The following GUK1 variants were observed in gnomAD, a reference collection of about 807,000 sequenced individuals.
GUK1 encodes guanylate kinase 1.
Under a neutral mutation model 25.2 loss-of-function variants are expected in GUK1, and 18 were observed. The ratio of observed to expected loss-of-function variants is 0.71; its 90% CI spans 0.49 to 1.06. The LOEUF (loss-of-function observed/expected upper bound fraction) is 1.06, where lower values mean the gene tolerates loss of function less well. Ranked by LOEUF, GUK1 falls within the 50% of genes least tolerant of loss-of-function variation. The probability of loss-of-function intolerance (pLI) is 0.00; values close to 1 mark genes in which losing one functional copy is unlikely to be tolerated. For synonymous variants in GUK1, 105 were observed against 117.6 expected (o/e 0.89, Z 0.69); for missense variants, 261 against 276.7 (o/e 0.94, Z 0.40).
rs2033971153 is a variant in GUK1, at chr1:228,140,338, C to T, written c.-193C>T. On this transcript the variant is annotated 5_prime_UTR_variant, in exon 1 of 9. Coordinates refer to ENST00000312726, the MANE Select transcript of GUK1 (RefSeq NM_000858.7). ...GCCCGCTGGCCGGGCTGGCTGCGGC[C>T]GCCCTGGGCCGGGCCCCACCGGACG... The T allele has an allele frequency of 5.2e-6, 8 of 1,525,764 alleles. No homozygotes were observed. Among genetic ancestry groups the T allele is most frequent in the Admixed American group, 2.1e-5 (1 of 48,500 alleles). 94.5% of individuals were successfully genotyped at this position (1,525,764 alleles called of 1,614,324 possible). A position where few individuals can be genotyped will look rare whatever the true frequency, so the allele number is the denominator to read the frequency against.
intron 4 of GUK1, chr1:228,146,602 C>T: frequency 1.8e-6 from 1 of 554,982 alleles, no homozygotes; most frequent in Non-Finnish European, 3.3e-6. Context: ...TCCCAACTCC[C>T]CACTGGAACC....
At chr1:228,141,076 T>A in intron 1 of GUK1, 1 of 922,338 alleles carries the variant, frequency 1.1e-6, no homozygotes, top group Non-Finnish European at 1.3e-6. Context: ...GGCCCCGGGC[T>A]GGGTCCTGCT....
chr1:228,147,726 A>T (rs779231089), intron 7 of GUK1, 27 bp downstream of exon 6: 1 of 1,603,886 alleles, frequency 6.2e-7, no homozygotes, highest in Non-Finnish European at 8.5e-7. Flanking sequence ...ATCACCAGGG[A>T]ATGCCAGGAG....
In GUK1 at chr1:228,148,729, C is replaced by T. The variant is rs373687915; in HGVS notation, c.*32C>T. On this transcript the variant is annotated 3_prime_UTR_variant, in exon 9 of 9. Transcript: ENST00000312726. The stretch of plus-strand genomic sequence containing the variant: ...CTGTCTGTTCTCGGCACCCCGGGCC[C>T]ATACAGGACCAGGGCAGCAGCATTG... 1 of 1,610,204 alleles carries T rather than the reference C, an allele frequency of 6.2e-7. No homozygotes were observed. Among genetic ancestry groups the T allele is most frequent in the East Asian group, 2.2e-5 (1 of 44,832 alleles).
chr1:228,144,202 C>T (rs2034233381), intron 2 of GUK1: 1 of 152,014 alleles, frequency 6.6e-6, no homozygotes, highest in East Asian at 1.9e-4. Flanking sequence ...GAGTTGCAGC[C>T]GTGGTGCATT....
intron 2 of GUK1, among the ~76,000 whole-genome samples, chr1:228,142,640 G>A (rs566316991): frequency 6.6e-6 from 1 of 152,112 alleles, no homozygotes; most frequent in African/African-American, 2.4e-5. Context: ...TCTGATCGTT[G>A]TCAGGGCCCT....
At chr1:228,140,132 G>A (rs2033960358), upstream of GUK1, 1 of 599,868 alleles carries the variant, frequency 1.7e-6, no homozygotes, top group East Asian at 3.2e-5. Context: ...GCCAGCGCAG[G>A]TGGAGGCGGG....
intron 7 of GUK1, chr1:228,148,068 G>C (rs1269927573): frequency 5.2e-6 from 3 of 576,744 alleles, no homozygotes; most frequent in Admixed American, 3.2e-5. Context: ...CAGCCCACAA[G>C]AAGAGGGCAT....
chr1:228,144,315 A>C (rs374629429), intron 2 of GUK1: 11 of 152,366 alleles, frequency 7.2e-5, no homozygotes, highest in African/African-American at 2.4e-4. Flanking sequence ...CCTAAACAGG[A>C]GGAGGCCATT....
At position 228,141,245 on chromosome 1, in the gene GUK1, C is replaced by T; in HGVS notation, c.-46C>T. 2.0e-6 allele frequency: 2 copies of T among 984,976 alleles called. No homozygotes were observed. The highest frequency in any genetic ancestry group is 2.4e-6 in the Non-Finnish European group (2 of 829,424). The allele number at this position is 984,976 out of a possible 1,614,324, so 61.0% of individuals were successfully genotyped here. On this transcript the variant is annotated 5_prime_UTR_variant, in exon 2 of 9. Transcript: ENST00000312726. ...GCGCAGCATCGTGAAGGGCTGGGGC[C>T]TTCACTCCTCTGTGGCTCTGGAAGA...
chr1:228,148,028 C>G (rs1222696541), intron 7 of GUK1: 9 of 579,684 alleles, frequency 1.6e-5, no homozygotes, highest in Non-Finnish European at 2.8e-5. Flanking sequence ...CATCCTCTTA[C>G]AGCTGTTGCC....
chr1:228,146,979 G>T (rs761907861), intron 5 of GUK1, 41 bp downstream of exon 4: 13 of 1,312,978 alleles, frequency 9.9e-6, no homozygotes, highest in Admixed American at 5.0e-5. Context: ...CAGGGTTGCT[G>T]TTGGCAACAG....
chr1:228,147,746 G>A (rs373886191), intron 7 of GUK1, 47 bp downstream of exon 6: 2 of 1,552,450 alleles, frequency 1.3e-6, no homozygotes, highest in South Asian at 1.1e-5. Context: ...GGGGAGTCAG[G>A]GTTCTGAGGT....
Position 228,148,691 on chromosome 1 carries a change from C to A in GUK1, c.588C>A (p.Gly196=). 6.2e-7 allele frequency: 1 copy of A among 1,602,148 alleles called. No individual in the cohort carries two copies. Among genetic ancestry groups the A allele is most frequent in the African/African-American group, 1.3e-5 (1 of 74,982 alleles). ...AAATCAAGAAAGCTCAAAGGACCGG[C>A]GCCTGAGGCTTGCTGTCTGTTCTCG... Residue 196 remains glycine (G), a synonymous_variant, in exon 9 of 9, where the codon GGC becomes GGA. Coordinates refer to ENST00000312726, the MANE Select transcript of GUK1 (RefSeq NM_000858.7).
At position 228,147,941 on chromosome 1, in the gene GUK1, G is replaced by A. The variant is rs949858750; in HGVS notation, c.475+242G>A. The stretch of plus-strand genomic sequence containing the variant: ...TTTCCCTCTGTTACCCAGAGTCTCC[G>A]TGAGGGCCCCCAGACCCCCCATCGC... On this transcript the variant is annotated intron_variant, in intron 7 of 8. Coordinates refer to ENST00000312726, the MANE Select transcript of GUK1 (RefSeq NM_000858.7). 1.1e-4 allele frequency: 62 copies of A among 583,278 alleles called. No homozygotes were observed. The East Asian group carries it at 1.6e-3, about 15-fold the overall frequency. 36.1% of individuals were successfully genotyped at this position (583,278 alleles called of 1,614,324 possible). A position where few individuals can be genotyped will look rare whatever the true frequency, so the allele number is the denominator to read the frequency against.
Position 228,148,728 on chromosome 1 carries a change from C to A in GUK1, c.*31C>A. On this transcript the variant is annotated 3_prime_UTR_variant, in exon 9 of 9. Transcript: ENST00000312726. ...GCTGTCTGTTCTCGGCACCCCGGGC[C>A]CATACAGGACCAGGGCAGCAGCATT... 6.2e-7 allele frequency: 1 copy of A among 1,610,166 alleles called. No individual in the cohort carries two copies.
At position 228,140,356 on chromosome 1, in the gene GUK1, A is replaced by C. The variant is rs1218082931; in HGVS notation, c.-175A>C. On this transcript the variant is annotated 5_prime_UTR_variant, in exon 1 of 9. Transcript: ENST00000312726. ...CTGCGGCCGCCCTGGGCCGGGCCCC[A>C]CCGGACGGTGAGTACGACAAGCGCG... 1.3e-6 allele frequency: 2 copies of C among 1,523,590 alleles called. No homozygotes were observed. The highest frequency in any genetic ancestry group is 2.8e-5 in the African/African-American group (2 of 70,634). 94.4% of individuals were successfully genotyped at this position (1,523,590 alleles called of 1,614,324 possible).
intron 4 of GUK1, 68 bp downstream of exon 3, chr1:228,146,135 G>A: frequency 9.6e-7 from 1 of 1,042,510 alleles, no homozygotes; most frequent in Non-Finnish European, 1.5e-6. Flanking sequence ...CCCTGCAGCT[G>A]TGTTGGCTGT....
In GUK1 at chr1:228,148,849, G is replaced by A. The variant is rs957171628; in HGVS notation, c.*152G>A. ...GCCCCTGTGGTTGGAACATCCTGGG[G>A]TGACCCCCGACCCAGCCTCGCTGGG... is the stretch of plus-strand genomic sequence containing the variant. On this transcript the variant is annotated 3_prime_UTR_variant, in exon 9 of 9. Transcript: ENST00000312726. The A allele has an allele frequency of 6.5e-7, 1 of 1,536,726 alleles. No homozygotes were observed. The highest frequency in any genetic ancestry group is 1.7e-4 in the Middle Eastern group (1 of 5,936).
Sources: gnomAD v4.1 joint callset for allele counts (sites outside exome capture counted in the v4.1 genomes callset) on GRCh38, gnomAD v4.1.1 for gene constraint, MANE v1.5 for transcripts, NCBI Gene and HGNC (gene_info 2026-07-23, HGNC 2026-07-21) for gene names.